The following CEP350 variants were observed in gnomAD, a reference collection of about 807,000 sequenced individuals.
The protein encoded by CEP350 is centrosome-associated protein 350.
Under a neutral mutation model 331.8 loss-of-function variants are expected in CEP350, and 126 were observed. The observed-to-expected ratio is 0.38, with a 90% CI of 0.33 to 0.44. The LOEUF is 0.44. Among genes scored for constraint, CEP350 ranks in the 20% least tolerant of loss-of-function variants. The pLI, the probability that CEP350 is intolerant of heterozygous loss-of-function variation, is 1.00. For synonymous variants in CEP350, 1,200 were observed against 1,259.5 expected (o/e 0.95, Z 1.00); for missense variants, 3,406 against 3,634.6 (o/e 0.94, Z 1.62).
In CEP350 at chr1:180,095,837, C is replaced by T. The variant is rs1660451888; in HGVS notation, c.8826C>T (p.His2942=). 5.6e-6 allele frequency: 9 copies of T among 1,613,906 alleles called. No individual in the cohort carries two copies. Among genetic ancestry groups the T allele is most frequent in the Admixed American group, 3.3e-5 (2 of 60,008 alleles). The change falls in exon 35 of 38, where the codon CAC becomes CAT. Residue 2942 remains histidine (H), a synonymous_variant. Transcript: ENST00000367607. ...EELWKWKELG[H]DLHSISIPTK... Reference sequence around the variant, plus strand: ...TTTGGAAATGGAAAGAATTAGGCCACGATCTTCATAGCATCAGTATTCCTA... The same window carrying T: ...TTTGGAAATGGAAAGAATTAGGCCATGATCTTCATAGCATCAGTATTCCTA...
intron 17 of CEP350, among the ~76,000 whole-genome samples, chr1:180,037,298 C>T (rs1656424094): frequency 5.9e-5 from 9 of 152,042 alleles, no homozygotes; most frequent in Admixed American, 5.9e-4. Flanking sequence ...CATTCTCTCT[C>T]AAATACTTTG....
intron 22 of CEP350, among the ~76,000 whole-genome samples, chr1:180,049,015 C>G (rs1447488438): frequency 6.6e-6 from 1 of 152,076 alleles, no homozygotes; most frequent in Non-Finnish European, 1.5e-5. Context: ...CTACAGTGAG[C>G]TATGATTGAG....
intron 35 of CEP350, 31 bp from the exon 36 acceptor site, chr1:180,096,002 ATTTTG>A (rs770331473): frequency 1.3e-5 from 20 of 1,546,374 alleles, no homozygotes; most frequent in Non-Finnish European, 1.6e-5. Context: ...ATTCTTAGCC[ATTTTG>A]TTTTGTTTTG....
intron 14 of CEP350, among the ~76,000 whole-genome samples, chr1:180,026,015 T>C (rs1257581086): frequency 6.6e-6 from 1 of 152,188 alleles, no homozygotes. Context: ...TAGAAACCTA[T>C]ATTTAAAAGT....
Position 180,043,154 on chromosome 1 carries a change from C to G in CEP350, c.4461C>G (p.Asp1487Glu). The G allele has an allele frequency of 1.9e-6, 3 of 1,613,690 alleles. No individual in the cohort carries two copies. The highest frequency in any genetic ancestry group is 2.5e-6 in the Non-Finnish European group (3 of 1,179,688). ...LYDHQRQHLP[D>E]FVKQLRTRTE... ...ACCACCAACGGCAGCACCTTCCAGA[C>G]TTTGTGAAACAGCTGAGGACCAGAA... is the stretch of plus-strand genomic sequence containing the variant. The change falls in exon 20 of 38, where the codon GAC (aspartate) becomes GAG (glutamate). Residue 1487 changes from aspartate to glutamate, a missense_variant. By Grantham distance (45) the Asp-to-Glu change is conservative. This residue lies in a region of CEP350 where 1,857 missense variants were observed against 1,909.2 expected (regional missense o/e 0.97). Transcript: ENST00000367607.
rs1158900004 is a variant in CEP350 at position 180,013,916 on chromosome 1, C to T, written c.1463C>T (p.Ser488Leu). 2.5e-6 allele frequency: 4 copies of T among 1,613,760 alleles called. No individual in the cohort carries two copies. The highest frequency in any genetic ancestry group is 1.6e-4 in the Middle Eastern group (1 of 6,062). ...TTACATAGACATCTTCAAAGAAACT[C>T]AGAACGTTCGAGAAGTAAATCTCGG... Reference protein sequence around the residue: ...DVLHRHLQRNSERSRSKSRSE... With the variant: ...DVLHRHLQRNLERSRSKSRSE... Residue 488 changes from serine to leucine, a missense_variant, in exon 10 of 38, where the codon TCA becomes TTA. Coordinates refer to ENST00000367607, the MANE Select transcript of CEP350 (RefSeq NM_014810.5).
chr1:180,086,364 A>C (rs1026128369), intron 31 of CEP350, among the ~76,000 whole-genome samples: 3 of 152,178 alleles, frequency 2.0e-5, no homozygotes, highest in Non-Finnish European at 4.4e-5. Flanking sequence ...GAGATAAAGT[A>C]CTATTAGAAT....
intron 1 of CEP350, among the ~76,000 whole-genome samples, chr1:179,958,270 G>A (rs1365714434): frequency 6.6e-6 from 1 of 151,882 alleles, no homozygotes; most frequent in African/African-American, 2.4e-5. Context: ...AAGGAAATTT[G>A]GCATTCCCTA....
intron 8 of CEP350, among the ~76,000 whole-genome samples, chr1:180,010,981 AAC>A (rs1413225708): frequency 6.6e-6 from 1 of 151,510 alleles, no homozygotes; most frequent in African/African-American, 2.4e-5. Context: ...CTATTTTGTA[AAC>A]AGTCTTTTTT....
At chr1:179,965,133 A>G (rs1016314268) in intron 1 of CEP350, among the ~76,000 whole-genome samples, 3 of 151,768 alleles carry the variant, frequency 2.0e-5, no homozygotes, top group African/African-American at 7.3e-5. Flanking sequence ...GAATTTTTTT[A>G]TTTCTGCCTT....
rs571966284 is a variant in CEP350, at chr1:180,077,914, AC to A, written c.5768-547del. 2.0e-5 allele frequency among the ~76,000 whole-genome samples: 3 copies of A among 152,200 alleles called. No homozygotes were observed. In the South Asian group the frequency reaches 6.2e-4, roughly 32 times the overall value. ...TTTGGGAGGCCGAGGCGGGTGGATC[AC>A]CTGAGGTCAGAGTTGGAGACCAGCC... On this transcript the variant is annotated intron_variant, in intron 28 of 37. Transcript: ENST00000367607.
At chr1:179,956,088 T>C (rs1650150921) in intron 1 of CEP350, among the ~76,000 whole-genome samples, 1 of 152,214 alleles carries the variant, frequency 6.6e-6, no homozygotes, top group Admixed American at 6.5e-5. Context: ...CTTCGTTTAA[T>C]ATATTGTTTT....
intron 8 of CEP350, among the ~76,000 whole-genome samples, chr1:180,010,749 G>A (rs529376614): frequency 5.0e-4 from 76 of 151,640 alleles, no homozygotes; most frequent in African/African-American, 1.8e-3. Context: ...CTACAGGCAC[G>A]CATCACTGTA....
At chr1:180,023,833 A>C (rs2148847804) in intron 13 of CEP350, among the ~76,000 whole-genome samples, 1 of 152,310 alleles carries the variant, frequency 6.6e-6, no homozygotes, top group South Asian at 2.1e-4. Context: ...ATCTTTTTCA[A>C]ATATTACAAA....
In CEP350 at chr1:179,962,835, C is replaced by T. The variant is rs557724958; in HGVS notation, c.-14+7693C>T. Among the ~76,000 whole-genome samples the T allele has an allele frequency of 1.5e-3, 235 of 152,162 alleles. 1 individual carries two copies. Among genetic ancestry groups the T allele is most frequent in the Non-Finnish European group, 2.6e-3 (180 of 68,016 alleles). ...GATTTCTTTTCCTTTGGATAGATAC[C>T]CAGTAGTGGGAATGCTGGGTCTAAT... On this transcript the variant is annotated intron_variant, in intron 1 of 37. Transcript: ENST00000367607.
In CEP350 at chr1:180,094,350, G is replaced by GA; in HGVS notation, c.8251dup (p.Ile2751AsnfsTer29). On this transcript the variant is annotated frameshift_variant, in exon 34 of 38. Coordinates refer to ENST00000367607, the MANE Select transcript of CEP350 (RefSeq NM_014810.5). LOFTEE classifies it high-confidence loss of function. ...GGAAAAAAAGTCAAAACAACAACTG[G>GA]AAAAAATCAGCTTACTGACAGACAG... 1 of 1,613,788 alleles carries GA rather than the reference G, an allele frequency of 6.2e-7. No individual in the cohort carries two copies. The highest frequency in any genetic ancestry group is 8.5e-7 in the Non-Finnish European group (1 of 1,179,812).
chr1:179,978,485 T>C (rs559942580), intron 1 of CEP350, among the ~76,000 whole-genome samples: 2 of 152,226 alleles, frequency 1.3e-5, no homozygotes, highest in East Asian at 1.9e-4. Context: ...CTAGAACTTA[T>C]TCCTTCTATC....
At chr1:180,079,318 T>C (rs1659422533) in intron 29 of CEP350, among the ~76,000 whole-genome samples, 1 of 151,822 alleles carries the variant, frequency 6.6e-6, no homozygotes, top group African/African-American at 2.4e-5. Context: ...TGTTAAAGCC[T>C]CTTTATGTTT....
chr1:179,968,376 G>C (rs888161586), intron 1 of CEP350, among the ~76,000 whole-genome samples: 1 of 151,782 alleles, frequency 6.6e-6, no homozygotes, highest in Admixed American at 6.6e-5. Context: ...CTGCATCTCT[G>C]CAGTTTTATG....
Sources: allele counts gnomAD v4.1 joint callset (sites outside exome capture counted in the v4.1 genomes callset), GRCh38; gene constraint gnomAD v4.1.1; regional missense constraint gnomAD v4.1.1; transcripts MANE v1.5; gene names NCBI Gene and HGNC (gene_info 2026-07-23, HGNC 2026-07-21).